Variants in GPC5 observed in about 807,000 individuals in gnomAD.
The protein encoded by GPC5 is glypican-5.
GPC5 carries 47 observed loss-of-function variants against 53.9 expected under a neutral mutation model. The observed-to-expected ratio is 0.87, with a 90% CI of 0.69 to 1.11. The LOEUF (loss-of-function observed/expected upper bound fraction) is 1.11, where lower values mean the gene tolerates loss of function less well. Among genes scored for constraint, GPC5 ranks in the 50% most tolerant of loss-of-function variants. The probability of loss-of-function intolerance (pLI) is 0.00; values close to 1 mark genes in which losing one functional copy is unlikely to be tolerated. For synonymous variants in GPC5, 286 were observed against 263.3 expected (o/e 1.09, Z -0.84); for missense variants, 748 against 713.1 (o/e 1.05, Z -0.56).
chr13:91,704,114 G>T (rs968233652), intron 3 of GPC5, among the ~76,000 whole-genome samples: 1 of 151,952 alleles, frequency 6.6e-6, no homozygotes, highest in African/African-American at 2.4e-5. Flanking sequence ...CAATACTATT[G>T]TATTGCAGTC....
At chr13:91,741,795 A>G (rs2036939693) in intron 4 of GPC5, among the ~76,000 whole-genome samples, 1 of 152,228 alleles carries the variant, frequency 6.6e-6, no homozygotes, top group Non-Finnish European at 1.5e-5. Context: ...GATGAATTGT[A>G]TATACAAATA....
chr13:91,964,616 C>T (rs146499935), intron 6 of GPC5, among the ~76,000 whole-genome samples: 3,201 of 152,102 alleles, frequency 0.021, 47 homozygotes, highest in Non-Finnish European at 0.032. Flanking sequence ...AGACATAGAG[C>T]GCTGATTGGT....
At chr13:92,080,608 C>G (rs912605319) in intron 6 of GPC5, among the ~76,000 whole-genome samples, 2 of 152,182 alleles carry the variant, frequency 1.3e-5, no homozygotes, top group Admixed American at 1.3e-4. Context: ...CTCATCACCA[C>G]GGCTGTGATC....
intron 7 of GPC5, among the ~76,000 whole-genome samples, chr13:92,454,695 T>C (rs1878193869): frequency 6.6e-6 from 1 of 152,154 alleles, no homozygotes; most frequent in Admixed American, 6.6e-5. Flanking sequence ...TGGTGTCTAG[T>C]TATGGAGCCA....
intron 5 of GPC5, among the ~76,000 whole-genome samples, chr13:91,858,532 A>G (rs539698879): frequency 6.6e-6 from 1 of 152,116 alleles, no homozygotes; most frequent in South Asian, 2.1e-4. Flanking sequence ...GTCATGATGA[A>G]TGATCTTTCT....
At chr13:92,298,651 G>GT (rs2139194434) in intron 7 of GPC5, among the ~76,000 whole-genome samples, 1 of 152,290 alleles carries the variant, frequency 6.6e-6, no homozygotes, top group East Asian at 1.9e-4. Flanking sequence ...CGCTTCCACA[G>GT]TTTGGGTACT....
intron 7 of GPC5, among the ~76,000 whole-genome samples, chr13:92,208,577 G>A (rs1268116938): frequency 6.6e-6 from 1 of 152,220 alleles, no homozygotes; most frequent in Non-Finnish European, 1.5e-5. Flanking sequence ...AAAGGATGGG[G>A]AAGGATAGAA....
intron 7 of GPC5, among the ~76,000 whole-genome samples, chr13:92,700,473 T>A (rs1594431709): frequency 6.6e-6 from 1 of 152,114 alleles, no homozygotes; most frequent in Admixed American, 6.6e-5. Flanking sequence ...ATGCATTTAA[T>A]CCTGCCATTA....
chr13:92,715,982 T>TATTTC (rs1323629211), intron 7 of GPC5, among the ~76,000 whole-genome samples: 1 of 152,212 alleles, frequency 6.6e-6, no homozygotes, highest in Non-Finnish European at 1.5e-5. Context: ...GTTTACTTAT[T>TATTTC]ATTTCTGAAA....
At chr13:91,981,943 A>G (rs183887299) in intron 6 of GPC5, among the ~76,000 whole-genome samples, 5 of 152,340 alleles carry the variant, frequency 3.3e-5, no homozygotes, top group African/African-American at 1.2e-4. Context: ...GGAACAGAAC[A>G]TATTAGGCAA....
intron 5 of GPC5, among the ~76,000 whole-genome samples, chr13:91,835,992 A>G (rs2038719641): frequency 6.6e-6 from 1 of 152,082 alleles, no homozygotes; most frequent in South Asian, 2.1e-4. Context: ...CATTTACTAA[A>G]GTCTTTACCT....
intron 2 of GPC5, among the ~76,000 whole-genome samples, chr13:91,549,330 C>G (rs1418696447): frequency 1.3e-5 from 2 of 149,236 alleles, no homozygotes; most frequent in African/African-American, 4.9e-5. Flanking sequence ...ATCTAGATAA[C>G]TATGGGTGTG....
intron 7 of GPC5, among the ~76,000 whole-genome samples, chr13:92,430,317 T>C (rs1236489051): frequency 6.6e-6 from 1 of 152,166 alleles, no homozygotes; most frequent in Non-Finnish European, 1.5e-5. Context: ...ACTATTGATA[T>C]TTATCAGCTA....
chr13:91,723,929 C>A (rs1441916007), intron 3 of GPC5, among the ~76,000 whole-genome samples: 1 of 152,174 alleles, frequency 6.6e-6, no homozygotes, highest in Admixed American at 6.5e-5. Flanking sequence ...AATTTGTTCT[C>A]ATTGAAATAA....
At chr13:92,261,267 C>A (rs550748518) in intron 7 of GPC5, among the ~76,000 whole-genome samples, 2 of 152,140 alleles carry the variant, frequency 1.3e-5, no homozygotes, top group Non-Finnish European at 2.9e-5. Context: ...GCTAGCATAA[C>A]CTCAAGTGAC....
At chr13:92,284,478 T>G (rs2042939393) in intron 7 of GPC5, among the ~76,000 whole-genome samples, 1 of 152,178 alleles carries the variant, frequency 6.6e-6, no homozygotes. Context: ...TGAACATCAA[T>G]GCAAAAATCC....
chr13:91,985,715 A>T (rs1248397373), intron 6 of GPC5, among the ~76,000 whole-genome samples: 4 of 152,126 alleles, frequency 2.6e-5, no homozygotes, highest in Non-Finnish European at 4.4e-5. Context: ...TCTACTACTT[A>T]ACTTTACTTT....
intron 7 of GPC5, among the ~76,000 whole-genome samples, chr13:92,273,240 T>C (rs931180481): frequency 2.0e-5 from 3 of 152,104 alleles, no homozygotes; most frequent in Non-Finnish European, 4.4e-5. Context: ...CATGACTAGA[T>C]ACTGTAAGTA....
At chr13:92,755,326 A>T (rs201653269) in intron 7 of GPC5, among the ~76,000 whole-genome samples, 8,040 of 140,550 alleles carry the variant, frequency 0.057, 606 homozygotes, top group East Asian at 0.34. Context: ...ACGCATTCAA[A>T]GCAGTGTGTA....
Sources: gnomAD v4.1 joint callset for allele counts (sites outside exome capture counted in the v4.1 genomes callset) on GRCh38, gnomAD v4.1.1 for gene constraint, MANE v1.5 for transcripts, NCBI Gene and HGNC (gene_info 2026-07-23, HGNC 2026-07-21) for gene names.